CACNG2: variants seen among roughly 807,000 people sequenced by gnomAD.
The protein encoded by CACNG2 is voltage-dependent calcium channel gamma-2 subunit.
A neutral mutation model predicts 25.9 loss-of-function variants in CACNG2; 3 were observed. The observed-to-expected ratio is 0.12, with a 90% CI of 0.05 to 0.30. The LOEUF (loss-of-function observed/expected upper bound fraction) is 0.30. Ranked by LOEUF, CACNG2 falls within the 10% of genes least tolerant of loss-of-function variation. The probability of loss-of-function intolerance (pLI) is 1.00; values close to 1 mark genes in which losing one functional copy is unlikely to be tolerated. For synonymous variants in CACNG2, 167 were observed against 173.3 expected (o/e 0.96, Z 0.29); for missense variants, 341 against 432.5 (o/e 0.79, Z 1.88).
chr22:36,587,859 C>G (rs751485362), intron 1 of CACNG2, among the ~76,000 whole-genome samples: 11 of 152,222 alleles, frequency 7.2e-5, no homozygotes, highest in Non-Finnish European at 1.5e-4. Flanking sequence ...GGGACTGCCA[C>G]GCAGGAGGCC....
At chr22:36,629,200 T>C (rs1324302207) in intron 1 of CACNG2, among the ~76,000 whole-genome samples, 1 of 152,238 alleles carries the variant, frequency 6.6e-6, no homozygotes, top group Non-Finnish European at 1.5e-5. Context: ...TCTGATTTTA[T>C]ATCTTAAGGA....
rs936472967 is a variant in CACNG2, at chr22:36,669,146, C to T, written c.211+33220G>A. On this transcript the variant is annotated intron_variant, in intron 1 of 3. Coordinates refer to ENST00000300105, the MANE Select transcript of CACNG2 (RefSeq NM_006078.5). ...CCACCCACCCTAGAATGCCTGCCTGCGTCAGTTCTGTATCTCCCAGACATC... is the reference window on the plus strand; with the variant it reads ...CCACCCACCCTAGAATGCCTGCCTGTGTCAGTTCTGTATCTCCCAGACATC... Among the ~76,000 whole-genome samples, 5 of 152,042 alleles carry T rather than the reference C, an allele frequency of 3.3e-5. No homozygotes were observed. In the South Asian group the frequency reaches 6.2e-4, roughly 19 times the overall value.
intron 1 of CACNG2, among the ~76,000 whole-genome samples, chr22:36,599,468 G>A (rs1217851633): frequency 4.6e-5 from 7 of 152,202 alleles, no homozygotes; most frequent in East Asian, 1.9e-4. Flanking sequence ...GGGAGGTGGA[G>A]GTGGGAGGAT....
intron 1 of CACNG2, among the ~76,000 whole-genome samples, chr22:36,618,916 TCAAAAAA>T (rs10586086): frequency 0.7 from 105,681 of 150,410 alleles, 37,541 homozygotes; most frequent in East Asian, 0.82. Flanking sequence ...CGAGACTGTT[TCAAAAAA>T]CAAAAAACAA....
intron 1 of CACNG2, among the ~76,000 whole-genome samples, chr22:36,627,559 A>G (rs1007775617): frequency 9.9e-5 from 15 of 152,108 alleles, no homozygotes; most frequent in African/African-American, 3.6e-4. Context: ...TCTCAGGCTT[A>G]GCTGCCTTAA....
At chr22:36,588,050 G>A (rs977957463) in intron 1 of CACNG2, among the ~76,000 whole-genome samples, 3 of 152,202 alleles carry the variant, frequency 2.0e-5, no homozygotes, top group Non-Finnish European at 4.4e-5. Flanking sequence ...AATTCCGCAC[G>A]GAATTCACCA....
At chr22:36,659,251 C>T (rs555525001) in intron 1 of CACNG2, among the ~76,000 whole-genome samples, 2 of 152,180 alleles carry the variant, frequency 1.3e-5, no homozygotes, top group South Asian at 4.2e-4. Context: ...CTTGTCTTCC[C>T]ACAGCACAAG....
At chr22:36,595,294 G>A (rs1031677165) in intron 1 of CACNG2, among the ~76,000 whole-genome samples, 1 of 152,192 alleles carries the variant, frequency 6.6e-6, no homozygotes, top group Non-Finnish European at 1.5e-5. Flanking sequence ...GGACTTGAGA[G>A]AGGGCCCGAA....
intron 1 of CACNG2, among the ~76,000 whole-genome samples, chr22:36,638,302 T>C (rs1936390010): frequency 6.6e-6 from 1 of 152,190 alleles, no homozygotes; most frequent in Admixed American, 6.5e-5. Flanking sequence ...CCTTCCCTGC[T>C]TCACACCCTT....
chr22:36,693,240 C>T (rs1450052599), intron 1 of CACNG2, among the ~76,000 whole-genome samples: 2 of 152,154 alleles, frequency 1.3e-5, no homozygotes, highest in Non-Finnish European at 2.9e-5. Flanking sequence ...TAGAGACTTT[C>T]TGTAGCCACA....
chr22:36,566,307 A>T, intron 3 of CACNG2, 46 bp downstream of exon 3: 2 of 1,606,652 alleles, frequency 1.2e-6, no homozygotes, highest in Non-Finnish European at 1.7e-6. Flanking sequence ...GAGCACCCAC[A>T]CCCCAGCCTT....
At chr22:36,588,945 A>G (rs1206560932) in intron 1 of CACNG2, among the ~76,000 whole-genome samples, 2 of 151,834 alleles carry the variant, frequency 1.3e-5, no homozygotes, top group East Asian at 1.9e-4. Context: ...AGTATGTGTC[A>G]TAGATATTAA....
At chr22:36,634,033 A>G (rs1304828418) in intron 1 of CACNG2, among the ~76,000 whole-genome samples, 1 of 152,250 alleles carries the variant, frequency 6.6e-6, no homozygotes, top group Non-Finnish European at 1.5e-5. Context: ...GAAAAAAAGC[A>G]TAGACTTTCA....
intron 2 of CACNG2, among the ~76,000 whole-genome samples, chr22:36,577,744 T>C (rs548857487): frequency 5.9e-5 from 9 of 151,776 alleles, no homozygotes; most frequent in African/African-American, 1.7e-4. Flanking sequence ...TTGGGGAACA[T>C]TTTGCTCTGG....
chr22:36,612,213 C>A (rs577396453), intron 1 of CACNG2, among the ~76,000 whole-genome samples: 1 of 152,174 alleles, frequency 6.6e-6, no homozygotes, highest in African/African-American at 2.4e-5. Flanking sequence ...GACATGTCAC[C>A]TCTTAGTGCC....
chr22:36,565,234 G>A (rs1304514037), intron 3 of CACNG2, among the ~76,000 whole-genome samples: 3 of 152,240 alleles, frequency 2.0e-5, no homozygotes, highest in Admixed American at 1.3e-4. Flanking sequence ...GCAGGGCACA[G>A]ATGAGGAAAC....
chr22:36,642,502 C>T (rs1936454539), intron 1 of CACNG2, among the ~76,000 whole-genome samples: 1 of 152,226 alleles, frequency 6.6e-6, no homozygotes. Context: ...CACACTGGGT[C>T]TCTGAGTCAG....
intron 1 of CACNG2, among the ~76,000 whole-genome samples, chr22:36,605,529 A>G (rs12484003): frequency 0.46 from 69,619 of 152,030 alleles, 17,361 homozygotes; most frequent in South Asian, 0.63. Context: ...GGTTAGCTTC[A>G]CAGGGTCTGG....
chr22:36,613,505 G>A (rs1437027169), intron 1 of CACNG2, among the ~76,000 whole-genome samples: 1 of 152,058 alleles, frequency 6.6e-6, no homozygotes, highest in Non-Finnish European at 1.5e-5. Context: ...GGTCCTCAAG[G>A]TTGCTTGGTT....
Sources: gnomAD v4.1 joint callset for allele counts (sites outside exome capture counted in the v4.1 genomes callset) on GRCh38, gnomAD v4.1.1 for gene constraint, MANE v1.5 for transcripts, NCBI Gene and HGNC (gene_info 2026-07-23, HGNC 2026-07-21) for gene names.